Variants in CLCC1 observed in about 807,000 individuals in gnomAD.
CLCC1 encodes chloride channel CLIC like 1.
Under a neutral mutation model 63.3 loss-of-function variants are expected in CLCC1, and 39 were observed. The ratio of observed to expected loss-of-function variants is 0.62; its 90% CI spans 0.48 to 0.81. The LOEUF (loss-of-function observed/expected upper bound fraction) is 0.81, where lower values mean the gene tolerates loss of function less well. Among genes scored for constraint, CLCC1 ranks in the 30% least tolerant of loss-of-function variants. The pLI, the probability that CLCC1 is intolerant of heterozygous loss-of-function variation, is 0.00. For synonymous variants in CLCC1, 217 were observed against 239.8 expected, an observed-to-expected ratio of 0.90 and a Z score of 0.88; for missense variants, 549 against 669.4, an observed-to-expected ratio of 0.82 and a Z score of 1.98.
rs201024238 is a variant in CLCC1 at position 108,960,852 on chromosome 1, A to AT, written c.-12+1456dup. ...ATAAAAAGCCTGTCAAGCAGTTGAGATTTTTTTTTCTTTTTTATAGAGACA... is the reference window on the plus strand; with the variant it reads ...ATAAAAAGCCTGTCAAGCAGTTGAGATTTTTTTTTTCTTTTTTATAGAGACA... On this transcript the variant is annotated intron_variant, in intron 2 of 12. Coordinates refer to ENST00000369969, the MANE Select transcript of CLCC1 (RefSeq NM_001377458.1). Among the ~76,000 whole-genome samples, 1,230 of 151,436 alleles carry AT rather than the reference A, an allele frequency of 8.1e-3. 16 individuals carry two copies. The highest frequency in any genetic ancestry group is 0.02 in the Admixed American group (306 of 15,184).
chr1:108,950,855 GA>G lies in CLCC1; in HGVS notation c.-11-408del, dbSNP rs528891202. ...GAAAACTACTTCCTTCTAGAGTTAA[GA>G]TAACACTTTCTGAACAGTATCTAAG... On this transcript the variant is annotated intron_variant, in intron 2 of 12. Transcript: ENST00000369969. Among the ~76,000 whole-genome samples the G allele has an allele frequency of 7.3e-3, 1,113 of 152,042 alleles. 8 individuals are homozygous for G. Among genetic ancestry groups the G allele is most frequent in the African/African-American group, 0.025 (1,052 of 41,446 alleles).
In CLCC1 at chr1:108,930,145, T is replaced by A; in HGVS notation, c.*2402A>T. 1.8e-6 allele frequency: 1 copy of A among 563,680 alleles called. No individual in the cohort carries two copies. The highest frequency in any genetic ancestry group is 3.1e-6 in the Non-Finnish European group (1 of 320,610). 34.9% of individuals were successfully genotyped at this position (563,680 alleles called of 1,614,324 possible). A position where few individuals can be genotyped will look rare whatever the true frequency, so the allele number is the denominator to read the frequency against. On this transcript the variant is annotated 3_prime_UTR_variant, in exon 13 of 13. Transcript: ENST00000369969. ...AGGGTGGAGGGGTCCTGTAAGGTGC[T>A]TCATCGTCTGTGATTACTGCTTGGG...
intron 2 of CLCC1, among the ~76,000 whole-genome samples, chr1:108,958,876 T>C (rs915318794): frequency 1.3e-5 from 2 of 148,598 alleles, no homozygotes; most frequent in Admixed American, 6.7e-5. Flanking sequence ...CGAGACTCCA[T>C]CTCAAAAAAT....
chr1:108,949,982 G>A, intron 3 of CLCC1, 61 bp from the exon 4 acceptor site: 1 of 1,013,038 alleles, frequency 9.9e-7, no homozygotes, highest in Non-Finnish European at 1.5e-6. Flanking sequence ...ATAGCCTTTG[G>A]TTAATGAAGA....
At chr1:108,947,072 G>A (rs1271474084) in intron 5 of CLCC1, among the ~76,000 whole-genome samples, 1 of 152,074 alleles carries the variant, frequency 6.6e-6, no homozygotes, top group African/African-American at 2.4e-5. Context: ...CTGAGTCAGG[G>A]AGAATTGCTG....
chr1:108,929,855 A>C lies in CLCC1; in HGVS notation c.*2692T>G, dbSNP rs1487216344. The C allele has an allele frequency of 3.1e-6, 5 of 1,613,960 alleles. No homozygotes were observed. Among genetic ancestry groups the C allele is most frequent in the Non-Finnish European group, 4.2e-6 (5 of 1,179,862 alleles). On this transcript the variant is annotated 3_prime_UTR_variant, in exon 13 of 13. Coordinates refer to ENST00000369969, the MANE Select transcript of CLCC1 (RefSeq NM_001377458.1). ...CTTTTACAAAGAGATCAAAACAGAG[A>C]CACTGACTTTGGGCTAAAGGACTTT...
At chr1:108,936,982 G>T in intron 11 of CLCC1, 95 bp downstream of exon 11, 1 of 830,300 alleles carries the variant, frequency 1.2e-6, no homozygotes, top group Non-Finnish European at 1.7e-6. Flanking sequence ...ATAATTAAGG[G>T]TGAGGGGTAA....
rs748168098 is a variant in CLCC1 at position 108,932,389 on chromosome 1, T to A, written c.*158A>T. The A allele has an allele frequency of 1.3e-5, 2 of 152,222 alleles. No homozygotes were observed. The highest frequency in any genetic ancestry group is 2.4e-5 in the African/African-American group (1 of 41,452). The allele number at this position is 152,222 out of a possible 1,614,324, so 9.4% of individuals were successfully genotyped here. A position where few individuals can be genotyped will look rare whatever the true frequency, so the allele number is the denominator to read the frequency against. On this transcript the variant is annotated 3_prime_UTR_variant, in exon 13 of 13. Transcript: ENST00000369969. ...CTCTTTTCTGATAACAAACACCCGA[T>A]GTGTTCAATTTGCTTTCATATTTAA...
In CLCC1 at chr1:108,932,166, C is replaced by G. The variant is rs1443784071; in HGVS notation, c.*381G>C. Reference sequence around the variant, plus strand: ...ATGCACATCTGTAATCCTAGCTACTCGGGAGACTGAGGCAGGAGAATCTCT... The same window carrying G: ...ATGCACATCTGTAATCCTAGCTACTGGGGAGACTGAGGCAGGAGAATCTCT... On this transcript the variant is annotated 3_prime_UTR_variant, in exon 13 of 13. Coordinates refer to ENST00000369969, the MANE Select transcript of CLCC1 (RefSeq NM_001377458.1). 6.6e-6 allele frequency: 1 copy of G among 152,092 alleles called. No individual in the cohort carries two copies. The highest frequency in any genetic ancestry group is 1.9e-4 in the East Asian group (1 of 5,178). 9.4% of individuals were successfully genotyped at this position (152,092 alleles called of 1,614,324 possible). A position where few individuals can be genotyped will look rare whatever the true frequency, so the allele number is the denominator to read the frequency against.
rs749213993 is a variant in CLCC1 at position 108,943,969 on chromosome 1, C to G, written c.428G>C (p.Gly143Ala). ...CAAGGCACCTGGTTTCCAGTCTTCT[C>G]CATTGAGAAACTTCTGTATTTCTAA... ...TLLEIQKFLN[G>A]EDWKPGALDD... The change falls in exon 6 of 13, where the codon GGA (glycine) becomes GCA (alanine). Residue 143 changes from glycine to alanine, a missense_variant. Transcript: ENST00000369969. The G allele has an allele frequency of 6.2e-7, 1 of 1,613,456 alleles. No individual in the cohort carries two copies. The highest frequency in any genetic ancestry group is 1.7e-5 in the Admixed American group (1 of 60,006).
intron 2 of CLCC1, among the ~76,000 whole-genome samples, chr1:108,951,099 G>A (rs1655122698): frequency 6.6e-6 from 1 of 152,036 alleles, no homozygotes; most frequent in Non-Finnish European, 1.5e-5. Context: ...CCAAAAGGTG[G>A]GAAAAACCCA....
At position 108,940,160 on chromosome 1, in the gene CLCC1, CA is replaced by C; in HGVS notation, c.797-19del. ...AAACCATTCTGTTTAGAGAAACAGACAAAACACTGATCATTTCTTTTAATGT... is the reference window on the plus strand; with the variant it reads ...AAACCATTCTGTTTAGAGAAACAGACAAACACTGATCATTTCTTTTAATGT... On this transcript the variant is annotated intron_variant, in intron 8 of 12. Transcript: ENST00000369969. 1.4e-6 allele frequency: 2 copies of C among 1,466,892 alleles called. No individual in the cohort carries two copies. The highest frequency in any genetic ancestry group is 1.9e-6 in the Non-Finnish European group (2 of 1,054,378). The allele number at this position is 1,466,892 out of a possible 1,614,324, so 90.9% of individuals were successfully genotyped here. A position where few individuals can be genotyped will look rare whatever the true frequency, so the allele number is the denominator to read the frequency against.
rs1280210965 is a variant in CLCC1 at position 108,950,511 on chromosome 1, G to GGTT, written c.-11-66_-11-64dup. The GGTT allele has an allele frequency of 3.6e-6, 3 of 833,802 alleles. No individual in the cohort carries two copies. The Admixed American group carries it at 1.3e-4, about 37-fold the overall frequency. 51.7% of individuals were successfully genotyped at this position (833,802 alleles called of 1,614,324 possible). ...ATTTTTTTAAATAAATTGGGTTTTG[G>GGTT]GTTATTATTATTATTATTATTATTT... is the stretch of plus-strand genomic sequence containing the variant. On this transcript the variant is annotated intron_variant, in intron 2 of 12. Coordinates refer to ENST00000369969, the MANE Select transcript of CLCC1 (RefSeq NM_001377458.1).
chr1:108,963,217 G>A, intron 1 of CLCC1, 144 bp downstream of exon 1: 1 of 462,680 alleles, frequency 2.2e-6, no homozygotes, highest in South Asian at 3.6e-5. Flanking sequence ...CGCAGCGGAC[G>A]CACGCAGCTA....
Position 108,948,684 on chromosome 1 carries a change from G to A in CLCC1, c.232-966C>T, listed in dbSNP as rs79354398. On this transcript the variant is annotated intron_variant, in intron 4 of 12. Coordinates refer to ENST00000369969, the MANE Select transcript of CLCC1 (RefSeq NM_001377458.1). ...AAAAAAGAATTCAAGACTCCATTTT[G>A]CCAACCATGTTTCTTAGAATGTTTA... is the stretch of plus-strand genomic sequence containing the variant. 5.1e-3 allele frequency among the ~76,000 whole-genome samples: 771 copies of A among 150,662 alleles called. 11 individuals carry two copies. Among genetic ancestry groups the A allele is most frequent in the African/African-American group, 0.018 (723 of 41,080 alleles).
intron 4 of CLCC1, among the ~76,000 whole-genome samples, chr1:108,948,650 GAA>G (rs61417692): frequency 0.016 from 2,234 of 138,070 alleles, 43 homozygotes; most frequent in African/African-American, 0.047. Flanking sequence ...AACAACTTAG[GAA>G]AAAAAAAAAA....
intron 2 of CLCC1, among the ~76,000 whole-genome samples, chr1:108,952,615 A>G: frequency 6.6e-6 from 1 of 152,048 alleles, no homozygotes; most frequent in Non-Finnish European, 1.5e-5. Context: ...CCTGGCCAAC[A>G]AGTTGAAACC....
At chr1:108,952,420 C>T (rs1223194748) in intron 2 of CLCC1, among the ~76,000 whole-genome samples, 2 of 152,180 alleles carry the variant, frequency 1.3e-5, no homozygotes, top group Non-Finnish European at 2.9e-5. Flanking sequence ...TCCACCCCAC[C>T]TTGGCCTCCC....
At chr1:108,951,011 T>C (rs1294415069) in intron 2 of CLCC1, among the ~76,000 whole-genome samples, 2 of 152,168 alleles carry the variant, frequency 1.3e-5, no homozygotes, top group Non-Finnish European at 2.9e-5. Context: ...TTGCTAGGTA[T>C]ATACCCAAAA....
Sources: allele counts gnomAD v4.1 joint callset (sites outside exome capture counted in the v4.1 genomes callset), GRCh38; gene constraint gnomAD v4.1.1; transcripts MANE v1.5; gene names NCBI Gene and HGNC (gene_info 2026-07-23, HGNC 2026-07-21).